The following GRM8 variants were observed in gnomAD, a reference collection of about 807,000 sequenced individuals.
GRM8 encodes glutamate metabotropic receptor 8, also known as metabotropic glutamate receptor 8.
A neutral mutation model predicts 87.2 loss-of-function variants in GRM8; 47 were observed. The observed-to-expected ratio is 0.54, with a 90% confidence interval of 0.43 to 0.69. GRM8 has a LOEUF of 0.69. GRM8 is among the 30% of genes least tolerant of loss of function. GRM8 has a pLI of 0.00. For synonymous variants in GRM8, 396 were observed against 404.5 expected (o/e 0.98, Z 0.25); for missense variants, 1,019 against 1,139.2 (o/e 0.89, Z 1.52).
intron 8 of GRM8, among the ~76,000 whole-genome samples, chr7:126,572,247 G>GC (rs1255602813): frequency 1.3e-5 from 2 of 152,064 alleles, no homozygotes; most frequent in Non-Finnish European, 2.9e-5. Context: ...AATGCATAAA[G>GC]CAAAAAGATA....
chr7:127,119,203 A>T (rs1175755846), intron 2 of GRM8, among the ~76,000 whole-genome samples: 2 of 152,092 alleles, frequency 1.3e-5, no homozygotes, highest in Non-Finnish European at 2.9e-5. Flanking sequence ...GAACCAAGAA[A>T]TGGGGCCAGG....
chr7:126,827,652 A>G (rs534067504), intron 6 of GRM8, among the ~76,000 whole-genome samples: 2 of 152,228 alleles, frequency 1.3e-5, no homozygotes, highest in Non-Finnish European at 2.9e-5. Context: ...TAATCATGTC[A>G]TCTGCAAACA....
intron 7 of GRM8, among the ~76,000 whole-genome samples, chr7:126,632,345 C>A (rs528300412): frequency 6.6e-6 from 1 of 152,220 alleles, no homozygotes; most frequent in South Asian, 2.1e-4. Context: ...CCACCTCATG[C>A]CAGTCAGAAT....
At chr7:127,105,665 C>T (rs1825737052) in intron 3 of GRM8, among the ~76,000 whole-genome samples, 1 of 151,992 alleles carries the variant, frequency 6.6e-6, no homozygotes, top group Non-Finnish European at 1.5e-5. Context: ...TTAATTTTTC[C>T]ACAAAATATT....
At chr7:126,473,733 C>G (rs1805574604) in intron 9 of GRM8, among the ~76,000 whole-genome samples, 1 of 152,136 alleles carries the variant, frequency 6.6e-6, no homozygotes, top group Non-Finnish European at 1.5e-5. Flanking sequence ...ATAGCTCCCA[C>G]AGTCCCCATG....
chr7:126,716,963 A>C (rs1219509377), intron 7 of GRM8, among the ~76,000 whole-genome samples: 1 of 152,158 alleles, frequency 6.6e-6, no homozygotes, highest in Non-Finnish European at 1.5e-5. Context: ...GTTCCTTAAA[A>C]TCTTTTGAGG....
rs181830976 is a variant in GRM8 at position 126,882,855 on chromosome 7, T to C, written c.1156+19687A>G. 3.6e-3 allele frequency among the ~76,000 whole-genome samples: 549 copies of C among 152,242 alleles called. 4 individuals carry two copies. Among genetic ancestry groups the C allele is most frequent in the African/African-American group, 0.012 (518 of 41,548 alleles). On this transcript the variant is annotated intron_variant, in intron 6 of 10. Transcript: ENST00000339582. ...TAAGAATGTGAAATAGTATCCTCAT[T>C]ACTGAGTTGATTACTCATCAACCTT... is the stretch of plus-strand genomic sequence containing the variant.
At chr7:127,207,705 G>A (rs994757740) in intron 2 of GRM8, among the ~76,000 whole-genome samples, 9 of 152,102 alleles carry the variant, frequency 5.9e-5, no homozygotes, top group Non-Finnish European at 8.8e-5. Flanking sequence ...GCCACGGTGC[G>A]ATGGGAAGCC....
chr7:126,657,918 T>C (rs1286618910), intron 7 of GRM8, among the ~76,000 whole-genome samples: 4 of 152,260 alleles, frequency 2.6e-5, no homozygotes, highest in Admixed American at 2.6e-4. Flanking sequence ...TCATTATAGA[T>C]TTGTGTTCTC....
chr7:126,869,111 T>C (rs935315993), intron 6 of GRM8: 3 of 152,196 alleles, frequency 2.0e-5, no homozygotes, highest in African/African-American at 7.2e-5. Flanking sequence ...GGGAAATAGA[T>C]TCCATGTCAA....
At chr7:127,172,364 C>A (rs576375336) in intron 2 of GRM8, among the ~76,000 whole-genome samples, 73 of 151,952 alleles carry the variant, frequency 4.8e-4, no homozygotes, top group African/African-American at 1.7e-3. Context: ...TTTTATGTTT[C>A]TTTACTTTTT....
chr7:126,615,893 C>A (rs1413570039), intron 7 of GRM8, among the ~76,000 whole-genome samples: 1 of 152,156 alleles, frequency 6.6e-6, no homozygotes, highest in African/African-American at 2.4e-5. Flanking sequence ...TAGAGACCTA[C>A]AAAGAGACTT....
At chr7:126,576,980 C>T (rs1795172730) in intron 8 of GRM8, among the ~76,000 whole-genome samples, 1 of 152,214 alleles carries the variant, frequency 6.6e-6, no homozygotes, top group Non-Finnish European at 1.5e-5. Flanking sequence ...TAAAGCCAAA[C>T]CATGTAATCA....
At chr7:126,478,923 A>G (rs1280962669) in intron 9 of GRM8, among the ~76,000 whole-genome samples, 1 of 152,132 alleles carries the variant, frequency 6.6e-6, no homozygotes, top group East Asian at 1.9e-4. Context: ...GTATGATATA[A>G]TAGCCATTTT....
Position 126,571,294 on chromosome 7 carries a change from A to G in GRM8, c.1495-37407T>C, listed in dbSNP as rs140860500. ...TGAAATATACTGCAAGACAGCTTCA[A>G]TTACAATCTATTTTCCCAAAGGGAA... On this transcript the variant is annotated intron_variant, in intron 8 of 10. Transcript: ENST00000339582. 3.3e-4 allele frequency among the ~76,000 whole-genome samples: 51 copies of G among 152,364 alleles called. 1 individual carries two copies. The highest frequency in any genetic ancestry group is 1.1e-3 in the African/African-American group (46 of 41,594).
At chr7:127,224,913 C>T (rs1347005085) in intron 2 of GRM8, among the ~76,000 whole-genome samples, 1 of 152,114 alleles carries the variant, frequency 6.6e-6, no homozygotes, top group Non-Finnish European at 1.5e-5. Context: ...CTGTGCCTGG[C>T]CCATGTCTAG....
chr7:126,551,151 C>G (rs1792540098), intron 8 of GRM8, among the ~76,000 whole-genome samples: 1 of 152,022 alleles, frequency 6.6e-6, no homozygotes, highest in South Asian at 2.1e-4. Context: ...CATTCTTTTT[C>G]TTTCTTCACC....
chr7:127,043,378 A>G (rs1818614984), intron 3 of GRM8, among the ~76,000 whole-genome samples: 1 of 152,252 alleles, frequency 6.6e-6, no homozygotes, highest in Non-Finnish European at 1.5e-5. Context: ...ATGTCCAACA[A>G]TGATAGACTG....
At chr7:126,930,897 C>G (rs951097535) in intron 3 of GRM8, among the ~76,000 whole-genome samples, 2 of 152,162 alleles carry the variant, frequency 1.3e-5, no homozygotes, top group African/African-American at 4.8e-5. Context: ...CTTTTCCAAG[C>G]CTCCTCTGTC....
Sources: allele counts gnomAD v4.1 joint callset (sites outside exome capture counted in the v4.1 genomes callset), GRCh38; gene constraint gnomAD v4.1.1; transcripts MANE v1.5; gene names NCBI Gene and HGNC (gene_info 2026-07-23, HGNC 2026-07-21).